Variants in NMNAT2 observed in about 807,000 individuals in gnomAD.
NMNAT2 encodes the protein nicotinamide nucleotide adenylyltransferase 2, also known as nicotinamide/nicotinic acid mononucleotide adenylyltransferase 2.
In NMNAT2, 11 loss-of-function variants were observed where a neutral mutation model predicts 41.6. That is an observed-to-expected ratio of 0.26 (90% CI 0.17 to 0.44). The LOEUF (loss-of-function observed/expected upper bound fraction) is 0.44, where lower values mean the gene tolerates loss of function less well. NMNAT2 is among the 20% of genes least tolerant of loss of function. NMNAT2 has a pLI of 1.00. For missense variants in NMNAT2, 288 were observed against 407.7 expected (o/e 0.71, Z 2.53); for synonymous variants, 148 against 151.2 (o/e 0.98, Z 0.16).
At chr1:183,355,076 C>A (rs1411233276) in intron 1 of NMNAT2, among the ~76,000 whole-genome samples, 1 of 152,234 alleles carries the variant, frequency 6.6e-6, no homozygotes, top group African/African-American at 2.4e-5. Flanking sequence ...ACCCACTGCA[C>A]TGTAGCCATG....
intron 1 of NMNAT2, among the ~76,000 whole-genome samples, chr1:183,369,670 T>C (rs1251747512): frequency 6.6e-6 from 1 of 152,120 alleles, no homozygotes; most frequent in Non-Finnish European, 1.5e-5. Flanking sequence ...TTAAGTATAT[T>C]GCCACTGTTG....
intron 1 of NMNAT2, among the ~76,000 whole-genome samples, chr1:183,331,402 G>A (rs536658873): frequency 1.3e-5 from 2 of 152,264 alleles, no homozygotes; most frequent in East Asian, 3.9e-4. Context: ...TGGAGGGTGC[G>A]GCACTGCATA....
intron 8 of NMNAT2, among the ~76,000 whole-genome samples, chr1:183,272,682 T>C (rs1661016585): frequency 6.6e-6 from 1 of 152,196 alleles, no homozygotes; most frequent in Admixed American, 6.5e-5. Flanking sequence ...GTAGAGAGTG[T>C]GTGTTGGTGC....
In NMNAT2 at chr1:183,312,265, CT is replaced by C. The variant is rs534701278; in HGVS notation, c.86-18473del. 6.3e-3 allele frequency among the ~76,000 whole-genome samples: 889 copies of C among 140,378 alleles called. 4 individuals are homozygous for C. The highest frequency in any genetic ancestry group is 0.012 in the African/African-American group (471 of 38,528). 92.1% of individuals were successfully genotyped at this position (140,378 alleles called of 152,430 possible). Reference sequence around the variant, plus strand: ...TCTTTTTATTTTAAATAATTTAAGGCTTTTTTTTTTTTTTGAAATGAGGTCT... The same window carrying C: ...TCTTTTTATTTTAAATAATTTAAGGCTTTTTTTTTTTTTGAAATGAGGTCT... On this transcript the variant is annotated intron_variant, in intron 1 of 10. Coordinates refer to ENST00000287713, the MANE Select transcript of NMNAT2 (RefSeq NM_015039.4).
At position 183,410,700 on chromosome 1, in the gene NMNAT2, A is replaced by T. The variant is rs568600778; in HGVS notation, c.85+7483T>A. On this transcript the variant is annotated intron_variant, in intron 1 of 10. Coordinates refer to ENST00000287713, the MANE Select transcript of NMNAT2 (RefSeq NM_015039.4). ...CGCCATGCTGTTGAGGCTTCCATACATATCCTGCTCTCTTCCCAGAATGCC... is the reference window on the plus strand; with the variant it reads ...CGCCATGCTGTTGAGGCTTCCATACTTATCCTGCTCTCTTCCCAGAATGCC... 4.6e-5 allele frequency among the ~76,000 whole-genome samples: 7 copies of T among 150,664 alleles called. No individual in the cohort carries two copies. In the East Asian group the frequency reaches 1.4e-3, roughly 29 times the overall value.
intron 1 of NMNAT2, among the ~76,000 whole-genome samples, chr1:183,296,977 T>C (rs1197832999): frequency 6.6e-6 from 1 of 152,012 alleles, no homozygotes; most frequent in East Asian, 1.9e-4. Flanking sequence ...TTCGGGGTCA[T>C]TTCTATCTGG....
At chr1:183,373,565 T>A (rs1463481946) in intron 1 of NMNAT2, among the ~76,000 whole-genome samples, 2 of 151,756 alleles carry the variant, frequency 1.3e-5, no homozygotes, top group African/African-American at 4.8e-5. Context: ...ACAGCAAGGG[T>A]CTGCACTTAT....
intron 1 of NMNAT2, among the ~76,000 whole-genome samples, chr1:183,298,082 C>G (rs184391964): frequency 3.9e-5 from 6 of 152,250 alleles, no homozygotes; most frequent in African/African-American, 1.2e-4. Context: ...CTGCAAAAAC[C>G]TGCAACTAAC....
chr1:183,408,243 C>G (rs777663671), intron 1 of NMNAT2, among the ~76,000 whole-genome samples: 1 of 152,146 alleles, frequency 6.6e-6, no homozygotes, highest in African/African-American at 2.4e-5. Flanking sequence ...TTTGGTTTTG[C>G]AGTCCATAAA....
rs1661496134 is a variant in NMNAT2, at chr1:183,289,977, C to T, written c.321+151G>A. The T allele has an allele frequency of 6.6e-6, 4 of 603,388 alleles. No individual in the cohort carries two copies. The African/African-American group carries it at 7.4e-5, about 11-fold the overall frequency. The allele number at this position is 603,388 out of a possible 1,614,324, so 37.4% of individuals were successfully genotyped here. On this transcript the variant is annotated intron_variant, in intron 4 of 10. Coordinates refer to ENST00000287713, the MANE Select transcript of NMNAT2 (RefSeq NM_015039.4). The stretch of plus-strand genomic sequence containing the variant: ...TTCTTCATGCTGTTCACAGGCTGGT[C>T]TCTCTCACAACCGGCAGAGAAATAA...
At chr1:183,360,994 T>A (rs774620979) in intron 1 of NMNAT2, among the ~76,000 whole-genome samples, 1 of 152,222 alleles carries the variant, frequency 6.6e-6, no homozygotes, top group African/African-American at 2.4e-5. Context: ...AACCACGTTT[T>A]AACTGTAAAT....
intron 3 of NMNAT2, among the ~76,000 whole-genome samples, chr1:183,291,198 T>C (rs1027693928): frequency 6.6e-6 from 1 of 152,190 alleles, no homozygotes; most frequent in Non-Finnish European, 1.5e-5. Context: ...ATTACAAGCA[T>C]GAGCCCCCGT....
intron 1 of NMNAT2, among the ~76,000 whole-genome samples, chr1:183,406,739 C>T (rs1197774578): frequency 6.6e-6 from 1 of 151,370 alleles, no homozygotes; most frequent in Non-Finnish European, 1.5e-5. Flanking sequence ...CTTCACTTCA[C>T]TAGGTGTCAT....
chr1:183,305,736 T>A (rs1416120688), intron 1 of NMNAT2, among the ~76,000 whole-genome samples: 19 of 129,488 alleles, frequency 1.5e-4, no homozygotes, highest in African/African-American at 4.2e-4. Flanking sequence ...TTTTTTTTTT[T>A]AAAGAAAGAG....
Position 183,250,920 on chromosome 1 carries a change from C to A in NMNAT2, c.*1721G>T, listed in dbSNP as rs1483650006. The A allele has an allele frequency of 6.6e-6, 1 of 152,464 alleles. No homozygotes were observed. The highest frequency in any genetic ancestry group is 1.5e-5 in the Non-Finnish European group (1 of 68,040). 9.4% of individuals were successfully genotyped at this position (152,464 alleles called of 1,614,324 possible). ...TCAGGTCCCACCTGGCCCTTTCTGG[C>A]CGTAGCTGGTACTAGATTTTGATAA... On this transcript the variant is annotated 3_prime_UTR_variant, in exon 11 of 11. Transcript: ENST00000287713.
intron 1 of NMNAT2, among the ~76,000 whole-genome samples, chr1:183,311,742 C>T (rs1042398975): frequency 2.6e-4 from 39 of 151,468 alleles, no homozygotes; most frequent in East Asian, 1.4e-3. Context: ...CACACACACA[C>T]ACACACACAC....
chr1:183,383,442 C>G (rs1017813522), intron 1 of NMNAT2, among the ~76,000 whole-genome samples: 2 of 152,234 alleles, frequency 1.3e-5, no homozygotes, highest in Non-Finnish European at 2.9e-5. Flanking sequence ...ATTCCTCCCC[C>G]CAAAATGGGT....
intron 8 of NMNAT2, among the ~76,000 whole-genome samples, chr1:183,270,806 C>A (rs1660966994): frequency 6.6e-6 from 1 of 152,204 alleles, no homozygotes; most frequent in Non-Finnish European, 1.5e-5. Context: ...GTGCAAGAGT[C>A]CATCAGGCTT....
intron 1 of NMNAT2, among the ~76,000 whole-genome samples, chr1:183,368,605 T>C (rs1285677547): frequency 6.6e-6 from 1 of 152,148 alleles, no homozygotes; most frequent in African/African-American, 2.4e-5. Context: ...CCCTCCTCTG[T>C]CCCATAACAT....
Sources: allele counts gnomAD v4.1 joint callset (sites outside exome capture counted in the v4.1 genomes callset), GRCh38; gene constraint gnomAD v4.1.1; transcripts MANE v1.5; gene names NCBI Gene and HGNC (gene_info 2026-07-23, HGNC 2026-07-21).